The following ABCB4 variants were observed in gnomAD, a reference collection of about 807,000 sequenced individuals.
ABCB4 encodes ATP binding cassette subfamily B member 4.
A neutral mutation model predicts 145.7 loss-of-function variants in ABCB4; 76 were observed. The observed-to-expected ratio is 0.52, with a 90% CI of 0.43 to 0.63. ABCB4 has a LOEUF of 0.63. Among genes scored for constraint, ABCB4 ranks in the 30% least tolerant of loss-of-function variants. The pLI is 0.00. For missense variants in ABCB4, 1,234 were observed against 1,553.1 expected, an observed-to-expected ratio of 0.79 and a Z score of 3.45; for synonymous variants, 517 against 566.8, an observed-to-expected ratio of 0.91 and a Z score of 1.25.
At chr7:87,419,474 G>A (rs1809238877) in intron 19 of ABCB4, among the ~76,000 whole-genome samples, 1 of 152,096 alleles carries the variant, frequency 6.6e-6, no homozygotes, top group Non-Finnish European at 1.5e-5. Context: ...CACAGTGTCT[G>A]GTACATGATA....
intron 12 of ABCB4, among the ~76,000 whole-genome samples, chr7:87,442,058 T>C (rs919819963): frequency 6.6e-6 from 1 of 152,172 alleles, no homozygotes; most frequent in Admixed American, 6.5e-5. Context: ...CTCTGAGTTA[T>C]AGAATTTCTG....
chr7:87,466,069 GAGA>G (rs1342317218), intron 3 of ABCB4, among the ~76,000 whole-genome samples: 1 of 152,214 alleles, frequency 6.6e-6, no homozygotes, highest in East Asian at 1.9e-4. Context: ...GATGAGTTGA[GAGA>G]AGAAGGCTAC....
At chr7:87,462,298 C>G (rs1812508900) in intron 4 of ABCB4, among the ~76,000 whole-genome samples, 1 of 151,928 alleles carries the variant, frequency 6.6e-6, no homozygotes, top group African/African-American at 2.4e-5. Context: ...AAATTAGAGA[C>G]AGAAAATGGG....
chr7:87,403,381 A>G, intron 26 of ABCB4, 100 bp from the exon 27 acceptor site: 3 of 1,179,336 alleles, frequency 2.5e-6, no homozygotes, highest in South Asian at 1.3e-5. Flanking sequence ...AACAGTTTCT[A>G]TAACGTTGTT....
intron 15 of ABCB4, among the ~76,000 whole-genome samples, chr7:87,427,459 G>A (rs1809918111): frequency 6.6e-6 from 1 of 152,174 alleles, no homozygotes; most frequent in Non-Finnish European, 1.5e-5. Context: ...ATTGCTGGCT[G>A]TGAGATCAGT....
chr7:87,379,166 C>G, the ABCB4 span, among the ~76,000 whole-genome samples: 1 of 152,182 alleles, frequency 6.6e-6, no homozygotes, highest in Non-Finnish European at 1.5e-5. Context: ...TCCCTTTGAC[C>G]TGTCTGCTGC....
chr7:87,372,759 A>T, the ABCB4 span, among the ~76,000 whole-genome samples: 6 of 152,118 alleles, frequency 3.9e-5, no homozygotes. Context: ...TTCAAGGTTC[A>T]TCCGTGTTTT....
At chr7:87,428,385 A>G (rs923314980) in intron 15 of ABCB4, among the ~76,000 whole-genome samples, 3 of 152,232 alleles carry the variant, frequency 2.0e-5, no homozygotes, top group African/African-American at 7.2e-5. Context: ...CCACCCAGGT[A>G]TACTTCAGTT....
chr7:87,426,119 G>A (rs1809787030), intron 16 of ABCB4, among the ~76,000 whole-genome samples: 1 of 152,072 alleles, frequency 6.6e-6, no homozygotes, highest in African/African-American at 2.4e-5. Context: ...GTATTGTGTG[G>A]GAATTCTGGA....
the ABCB4 span, chr7:87,392,569 C>T: frequency 8.7e-6 from 14 of 1,612,450 alleles, no homozygotes; most frequent in Admixed American, 8.3e-5. Flanking sequence ...AATACAGCTT[C>T]GTGAGCGGCA....
chr7:87,441,408 T>TATAA (rs45543132), intron 12 of ABCB4, among the ~76,000 whole-genome samples: 17,235 of 152,100 alleles, frequency 0.11, 1,272 homozygotes, highest in African/African-American at 0.21. Flanking sequence ...TGTATACATT[T>TATAA]ATAAAGTTGA....
chr7:87,453,120 G>C lies in ABCB4; in HGVS notation c.360C>G (p.Tyr120Ter). Residue 120 changes from tyrosine to a stop codon, truncating the protein, a stop_gained, in exon 6 of 28, where the codon TAC becomes TAG. Coordinates refer to ENST00000649586, the MANE Select transcript of ABCB4 (RefSeq NM_000443.4). LOFTEE classifies it high-confidence loss of function. The stretch of plus-strand genomic sequence containing the variant: ...CAAGAACTCCAGCACCCAATCCTGA[G>C]TAGTAATATGCATATCTGAAAAAAA... ...EEEMTRYAYYYSGLGAGVLVA... is the reference protein window; with the variant it reads ...EEEMTRYAYY The C allele has an allele frequency of 1.2e-6, 2 of 1,613,952 alleles. No individual in the cohort carries two copies. Among genetic ancestry groups the C allele is most frequent in the Non-Finnish European group, 1.7e-6 (2 of 1,179,940 alleles).
intron 13 of ABCB4, 66 bp downstream of exon 13, chr7:87,440,133 G>A: frequency 6.6e-7 from 1 of 1,526,494 alleles, no homozygotes; most frequent in Non-Finnish European, 9.1e-7. Flanking sequence ...AACCTTTGAA[G>A]AATAAACTCA....
intron 21 of ABCB4, among the ~76,000 whole-genome samples, chr7:87,414,005 C>A (rs1406027362): frequency 6.6e-6 from 1 of 152,222 alleles, no homozygotes; most frequent in Non-Finnish European, 1.5e-5. Flanking sequence ...CTATTCCCAG[C>A]CTGCCACCAG....
chr7:87,434,827 C>T (rs1810506511), intron 14 of ABCB4, among the ~76,000 whole-genome samples: 1 of 152,182 alleles, frequency 6.6e-6, no homozygotes, highest in Non-Finnish European at 1.5e-5. Flanking sequence ...ATTTATTTAG[C>T]CTCTACTATG....
Position 87,454,728 on chromosome 7 carries a change from AC to A in ABCB4, c.287-137del, listed in dbSNP as rs2116834292. ...ATTGTTAAGTTTCTCTTTAAAAAAC[AC>A]TTTTCTTTGCACACTTAAGTGCATT... On this transcript the variant is annotated intron_variant, in intron 4 of 27. Transcript: ENST00000649586. 1.6e-5 allele frequency: 11 copies of A among 709,578 alleles called. No homozygotes were observed. In the South Asian group the frequency reaches 1.7e-4, roughly 11 times the overall value. The allele number at this position is 709,578 out of a possible 1,614,324, so 44.0% of individuals were successfully genotyped here. A position where few individuals can be genotyped will look rare whatever the true frequency, so the allele number is the denominator to read the frequency against.
At chr7:87,465,043 C>T (rs1432045965) in intron 3 of ABCB4, among the ~76,000 whole-genome samples, 3 of 152,190 alleles carry the variant, frequency 2.0e-5, no homozygotes, top group African/African-American at 4.8e-5. Flanking sequence ...ACAGTAGGTG[C>T]AGCGCACCGA....
At chr7:87,408,369 A>T in intron 24 of ABCB4, 135 bp from the exon 25 acceptor site, 1 of 918,186 alleles carries the variant, frequency 1.1e-6, no homozygotes, top group East Asian at 2.6e-5. Context: ...TTCTGGTGCC[A>T]GTTAATATTG....
rs1459259659 is a variant in ABCB4 at position 87,422,175 on chromosome 7, GA to G, written c.2261del (p.Phe754SerfsTer3). On this transcript the variant is annotated frameshift_variant, in exon 18 of 28. Coordinates refer to ENST00000649586, the MANE Select transcript of ABCB4 (RefSeq NM_000443.4). LOFTEE classifies it high-confidence loss of function. ...TTCCCAGAAATAAGAAAATCAAAGA[GA>G]ATATGTTGCACTTCTGCTGCTTCAC... ...DAVKQQKCNI[F>X]SLIFLFLGII... 6.2e-7 allele frequency: 1 copy of G among 1,613,648 alleles called. No homozygotes were observed. The highest frequency in any genetic ancestry group is 8.5e-7 in the Non-Finnish European group (1 of 1,179,712).
Sources: allele counts gnomAD v4.1 joint callset (sites outside exome capture counted in the v4.1 genomes callset), GRCh38; gene constraint gnomAD v4.1.1; transcripts MANE v1.5; gene names NCBI Gene and HGNC (gene_info 2026-07-23, HGNC 2026-07-21).